The following CHST8 variants were observed in gnomAD, a reference collection of about 807,000 sequenced individuals.
CHST8 encodes carbohydrate sulfotransferase 8, also known as GALNAC-4-ST1.
Under a neutral mutation model 15.0 loss-of-function variants are expected in CHST8, and 10 were observed. The observed-to-expected ratio is 0.67, with a 90% CI of 0.41 to 1.13. The LOEUF (loss-of-function observed/expected upper bound fraction) is 1.13. CHST8 is among the 50% of genes most tolerant of loss of function. The probability of loss-of-function intolerance (pLI) is 0.00; values close to 1 mark genes in which losing one functional copy is unlikely to be tolerated. For synonymous variants in CHST8, 259 were observed against 256.6 expected, an observed-to-expected ratio of 1.01 and a Z score of -0.09; for missense variants, 634 against 608.2, an observed-to-expected ratio of 1.04 and a Z score of -0.45.
At chr19:33,623,143 G>A (rs1972007675) in intron 1 of CHST8, among the ~76,000 whole-genome samples, 1 of 152,102 alleles carries the variant, frequency 6.6e-6, no homozygotes, top group South Asian at 2.1e-4. Context: ...CGGGACTCCC[G>A]CCGCCCTAAC....
At chr19:33,699,868 G>C (rs1259168994) in intron 3 of CHST8, among the ~76,000 whole-genome samples, 1 of 152,158 alleles carries the variant, frequency 6.6e-6, no homozygotes, top group Non-Finnish European at 1.5e-5. Flanking sequence ...CTGGAGCTCT[G>C]AGACAAATGC....
At chr19:33,764,277 A>C (rs945640151) in intron 3 of CHST8, among the ~76,000 whole-genome samples, 1 of 152,138 alleles carries the variant, frequency 6.6e-6, no homozygotes, top group Non-Finnish European at 1.5e-5. Context: ...ACTACTGATC[A>C]GCAGGCGATC....
intron 3 of CHST8, among the ~76,000 whole-genome samples, chr19:33,693,008 C>CTT (rs371300363): frequency 1.5e-4 from 21 of 140,910 alleles, no homozygotes; most frequent in South Asian, 4.5e-4. Context: ...TTCTTTCTTT[C>CTT]TTTTTTTTTT....
At position 33,772,421 on chromosome 19, in the gene CHST8, G is replaced by A; in HGVS notation, c.633G>A (p.Val211=). 1.2e-6 allele frequency: 2 copies of A among 1,610,608 alleles called. No homozygotes were observed. The highest frequency in any genetic ancestry group is 1.7e-6 in the Non-Finnish European group (2 of 1,179,858). ...GCSNWKRVLM[V]LAGLASSTAD... ...CCAATTGGAAGCGGGTGCTCATGGT[G>A]CTGGCCGGCCTGGCCTCGTCCACTG... Residue 211 remains valine, a synonymous_variant, in exon 5 of 5, where the codon GTG becomes GTA. Transcript: ENST00000650847.
At chr19:33,664,374 C>T (rs1001029832) in intron 1 of CHST8, among the ~76,000 whole-genome samples, 5 of 150,690 alleles carry the variant, frequency 3.3e-5, no homozygotes, top group African/African-American at 9.7e-5. Context: ...CATGCTGATG[C>T]GCTGCACCCA....
At chr19:33,722,320 T>TGGGCAGATGGATGGATGGATGGGTGGAC in intron 3 of CHST8, among the ~76,000 whole-genome samples, 1 of 151,554 alleles carries the variant, frequency 6.6e-6, no homozygotes, top group Non-Finnish European at 1.5e-5. Flanking sequence ...GGTGGGTGCA[T>TGGGCAGATGGATGGATGGATGGGTGGAC]GGGCAGATGG....
intron 1 of CHST8, among the ~76,000 whole-genome samples, chr19:33,630,672 C>T (rs1972111204): frequency 6.7e-6 from 1 of 149,918 alleles, no homozygotes; most frequent in Non-Finnish European, 1.5e-5. Context: ...GCACGTGGGT[C>T]AGGCAGTCTG....
intron 3 of CHST8, among the ~76,000 whole-genome samples, chr19:33,709,651 G>A (rs979949819): frequency 2.6e-5 from 4 of 151,542 alleles, no homozygotes; most frequent in Admixed American, 6.6e-5. Context: ...GATAGTTGTA[G>A]TTTTCTTGTG....
At chr19:33,757,700 G>A (rs1001521025) in intron 3 of CHST8, among the ~76,000 whole-genome samples, 11 of 151,722 alleles carry the variant, frequency 7.3e-5, no homozygotes, top group African/African-American at 2.4e-4. Context: ...CCCAAGATTG[G>A]CATCCATACT....
chr19:33,764,668 A>G (rs1266952257), intron 3 of CHST8, among the ~76,000 whole-genome samples: 1 of 152,180 alleles, frequency 6.6e-6, no homozygotes, highest in East Asian at 1.9e-4. Context: ...TAATCAAGTT[A>G]GGCCACTAGA....
chr19:33,771,983 T>C lies in CHST8; in HGVS notation c.195T>C (p.Asp65=), dbSNP rs772818536. 6 of 1,579,972 alleles carry C rather than the reference T, an allele frequency of 3.8e-6. No homozygotes were observed. Among genetic ancestry groups the C allele is most frequent in the South Asian group, 1.2e-5 (1 of 86,490 alleles). Reference sequence around the variant, plus strand: ...ACCTCCCACCAGGCGGCTCCCAGGATGGTGACTTGAAGGAACCCACAGAGA... The same window carrying C: ...ACCTCCCACCAGGCGGCTCCCAGGACGGTGACTTGAAGGAACCCACAGAGA... The part of the protein sequence containing the change: ...HHDLPPGGSQ[D]GDLKEPTERV... The change falls in exon 5 of 5, where the codon GAT becomes GAC. Residue 65 remains aspartate, a synonymous_variant. Transcript: ENST00000650847.
intron 4 of CHST8, among the ~76,000 whole-genome samples, chr19:33,771,739 G>A (rs1327444038): frequency 6.6e-6 from 1 of 152,094 alleles, no homozygotes; most frequent in African/African-American, 2.4e-5. Flanking sequence ...GGAGGACCGC[G>A]CCATCTTGTG....
chr19:33,717,552 T>C (rs1973685624), intron 3 of CHST8, among the ~76,000 whole-genome samples: 1 of 152,128 alleles, frequency 6.6e-6, no homozygotes. Flanking sequence ...CTTTATGCGT[T>C]TATTTAATCC....
intron 3 of CHST8, among the ~76,000 whole-genome samples, chr19:33,706,995 A>G (rs1016332291): frequency 4.6e-5 from 7 of 152,172 alleles, no homozygotes; most frequent in African/African-American, 1.7e-4. Context: ...TCCCTGCTCC[A>G]ATGGGGCCTC....
chr19:33,743,388 C>T lies in CHST8; in HGVS notation c.131-28025C>T, dbSNP rs944257393. Among the ~76,000 whole-genome samples, 6 of 151,194 alleles carry T rather than the reference C, an allele frequency of 4.0e-5. No homozygotes were observed. In the East Asian group the frequency reaches 9.7e-4, roughly 24 times the overall value. On this transcript the variant is annotated intron_variant, in intron 3 of 4. Transcript: ENST00000650847. ...GATCTCGGCTCACTGCAGGCTCCGCCCCCCGGGGGTTCATGCCATTCTCCT... is the reference window on the plus strand; with the variant it reads ...GATCTCGGCTCACTGCAGGCTCCGCTCCCCGGGGGTTCATGCCATTCTCCT...
rs116592731 is a variant in CHST8 at position 33,741,854 on chromosome 19, G to A, written c.131-29559G>A. Among the ~76,000 whole-genome samples the A allele has an allele frequency of 5.4e-3, 816 of 152,220 alleles. 4 individuals carry two copies. Among genetic ancestry groups the A allele is most frequent in the African/African-American group, 0.011 (453 of 41,522 alleles). Reference sequence around the variant, plus strand: ...GACGGTCCTTATCCCACAGATCAAGGACATGGGGGTTTTGCCAGCTGTCAC... The same window carrying A: ...GACGGTCCTTATCCCACAGATCAAGAACATGGGGGTTTTGCCAGCTGTCAC... On this transcript the variant is annotated intron_variant, in intron 3 of 4. Coordinates refer to ENST00000650847, the MANE Select transcript of CHST8 (RefSeq NM_001127895.2).
Position 33,773,219 on chromosome 19 carries a change from G to T in CHST8, c.*156G>T. On this transcript the variant is annotated 3_prime_UTR_variant, in exon 5 of 5. Coordinates refer to ENST00000650847, the MANE Select transcript of CHST8 (RefSeq NM_001127895.2). The stretch of plus-strand genomic sequence containing the variant: ...GGCAGCAGGCCCCGGGTGGGGGGCA[G>T]AGGCGCCCAGCCTTGGATGGGGACC... 2.4e-6 allele frequency: 2 copies of T among 834,428 alleles called. No homozygotes were observed. Among genetic ancestry groups the T allele is most frequent in the Non-Finnish European group, 3.6e-6 (2 of 552,700 alleles). 51.7% of individuals were successfully genotyped at this position (834,428 alleles called of 1,614,324 possible). A position where few individuals can be genotyped will look rare whatever the true frequency, so the allele number is the denominator to read the frequency against.
intron 3 of CHST8, among the ~76,000 whole-genome samples, chr19:33,691,297 C>T (rs948448519): frequency 2.0e-4 from 31 of 152,214 alleles, no homozygotes; most frequent in Non-Finnish European, 3.2e-4. Flanking sequence ...CCCTTTGCAG[C>T]TGGCAGACCT....
intron 2 of CHST8, among the ~76,000 whole-genome samples, chr19:33,680,281 T>A (rs1972868500): frequency 6.6e-6 from 1 of 152,232 alleles, no homozygotes; most frequent in Admixed American, 6.5e-5. Context: ...ACCTGTTCCT[T>A]TTTCTTTTCT....
Sources: gnomAD v4.1 joint callset for allele counts (sites outside exome capture counted in the v4.1 genomes callset) on GRCh38, gnomAD v4.1.1 for gene constraint, MANE v1.5 for transcripts, NCBI Gene and HGNC (gene_info 2026-07-23, HGNC 2026-07-21) for gene names.